DNAH11: variants seen among roughly 807,000 people sequenced by gnomAD.
DNAH11 encodes the protein axonemal beta dynein heavy chain 11.
Under a neutral mutation model 526.0 loss-of-function variants are expected in DNAH11, and 442 were observed. The observed-to-expected ratio is 0.84, with a 90% CI of 0.78 to 0.91. The LOEUF is 0.91. Ranked by LOEUF, DNAH11 falls within the 40% of genes least tolerant of loss-of-function variation. The pLI is 0.00. For missense variants in DNAH11, 6,989 were observed against 5,448.7 expected, an observed-to-expected ratio of 1.28 and a Z score of -8.90; for synonymous variants, 2,461 against 1,935.9, an observed-to-expected ratio of 1.27 and a Z score of -7.12.
rs147912535 is a variant in DNAH11, at chr7:21,570,271, A to C, written c.1397A>C (p.Lys466Thr). 860 of 1,609,284 alleles carry C rather than the reference A, an allele frequency of 5.3e-4. 10 individuals carry two copies. In the East Asian group the frequency reaches 0.016, roughly 29 times the overall value. ...CATCTGGTGTTTTGCAGATTTGACAAGTTTCTTGATCGTTTAATAAAAATA... is the reference window on the plus strand; with the variant it reads ...CATCTGGTGTTTTGCAGATTTGACACGTTTCTTGATCGTTTAATAAAAATA... Reference protein sequence around the residue: ...QSHLVFCRFDKFLDRLIKIED... With the variant: ...QSHLVFCRFDTFLDRLIKIED... Residue 466 changes from lysine to threonine, a missense_variant, in exon 7 of 82, where the codon AAG (lysine) becomes ACG (threonine). Physicochemically the swap from Lys to Thr is moderately conservative, Grantham distance 78. Coordinates refer to ENST00000409508, the MANE Select transcript of DNAH11 (RefSeq NM_001277115.2).
Position 21,570,287 on chromosome 7 carries a change from A to G in DNAH11, c.1413A>G (p.Leu471=). ...GATTTGACAAGTTTCTTGATCGTTT[A>G]ATAAAAATAGAGGTATTCATTTTTT... The part of the protein sequence containing the change: ...FCRFDKFLDR[L]IKIEDIFATT... The change falls in exon 7 of 82, where the codon TTA becomes TTG. Residue 471 remains leucine (L), a synonymous_variant. Transcript: ENST00000409508. 6.2e-7 allele frequency: 1 copy of G among 1,604,412 alleles called. No homozygotes were observed. The highest frequency in any genetic ancestry group is 8.5e-7 in the Non-Finnish European group (1 of 1,177,192).
At position 21,702,732 on chromosome 7, in the gene DNAH11, G is replaced by A. The variant is rs769794431; in HGVS notation, c.6203G>A (p.Arg2068His). The change falls in exon 37 of 82, where the codon CGT becomes CAT. Residue 2068 changes from arginine to histidine, a missense_variant. Transcript: ENST00000409508. The stretch of plus-strand genomic sequence containing the variant: ...TAGGATCATTACGACTGGGGACTTC[G>A]TGCTATTAAGTCTGTCTTGGTTGTG... ...SKQDHYDWGL[R>H]AIKSVLVVAG... 1.9e-5 allele frequency: 31 copies of A among 1,613,410 alleles called. No homozygotes were observed. The Admixed American group carries it at 2.2e-4, about 11-fold the overall frequency.
chr7:21,556,349 A>G (rs1363343584), intron 2 of DNAH11, among the ~76,000 whole-genome samples: 1 of 152,176 alleles, frequency 6.6e-6, no homozygotes, highest in Non-Finnish European at 1.5e-5. Context: ...GTTTTCTCAG[A>G]ATAGTAAATA....
chr7:21,793,440 A>AC (rs1788561606), intron 61 of DNAH11, among the ~76,000 whole-genome samples: 1 of 151,624 alleles, frequency 6.6e-6, no homozygotes, highest in Admixed American at 6.6e-5. Flanking sequence ...ACATGGTGAA[A>AC]CCCCGTCTGT....
rs768711937 is a variant in DNAH11, at chr7:21,880,690, C to CT, written c.12196-6dup. The CT allele has an allele frequency of 1.9e-5, 31 of 1,613,208 alleles. No individual in the cohort carries two copies. The highest frequency in any genetic ancestry group is 2.3e-5 in the Non-Finnish European group (27 of 1,179,754). ...AGATGGATAATCAAGCATTTCTTCT[C>CT]TTTTTTCCCAGGATACACTTGAAAT... On this transcript the variant is annotated splice_polypyrimidine_tract_variant and intron_variant, in intron 74 of 81. Transcript: ENST00000409508.
intron 2 of DNAH11, among the ~76,000 whole-genome samples, chr7:21,548,061 C>T (rs1042143249): frequency 1.3e-5 from 2 of 152,172 alleles, no homozygotes; most frequent in Non-Finnish European, 2.9e-5. Context: ...ACCTATCATA[C>T]CTTTTCATTT....
chr7:21,591,985 C>T (rs191478484), intron 14 of DNAH11, among the ~76,000 whole-genome samples: 1 of 152,282 alleles, frequency 6.6e-6, no homozygotes, highest in East Asian at 1.9e-4. Context: ...TAATTACTCT[C>T]CTTTTAACAA....
At chr7:21,836,763 A>G (rs1313895346) in intron 65 of DNAH11, among the ~76,000 whole-genome samples, 1 of 152,160 alleles carries the variant, frequency 6.6e-6, no homozygotes, top group Non-Finnish European at 1.5e-5. Flanking sequence ...CAGACTAAAA[A>G]GCTTCTGCAC....
At position 21,854,355 on chromosome 7, in the gene DNAH11, C is replaced by T; in HGVS notation, c.11102C>T (p.Ala3701Val). 6 of 1,613,650 alleles carry T rather than the reference C, an allele frequency of 3.7e-6. No homozygotes were observed. Among genetic ancestry groups the T allele is most frequent in the East Asian group, 2.2e-5 (1 of 44,840 alleles). The change falls in exon 68 of 82, where the codon GCC (alanine) becomes GTC (valine). Residue 3701 changes from alanine to valine, a missense_variant. Coordinates refer to ENST00000409508, the MANE Select transcript of DNAH11 (RefSeq NM_001277115.2). ...GAAAATGAAAGAAAAATCAACGAGG[C>T]CCGAGAATGTTACAGACCAGTGGCA... ...AKENERKINE[A>V]RECYRPVAAR...
intron 73 of DNAH11, among the ~76,000 whole-genome samples, chr7:21,870,827 T>C (rs1300661812): frequency 6.6e-6 from 1 of 152,172 alleles, no homozygotes; most frequent in African/African-American, 2.4e-5. Flanking sequence ...TAACCAAGAA[T>C]TTAACTGTTT....
intron 63 of DNAH11, among the ~76,000 whole-genome samples, chr7:21,812,164 G>A (rs377463286): frequency 6.6e-5 from 10 of 152,128 alleles, no homozygotes; most frequent in African/African-American, 2.2e-4. Context: ...AGGTTGTCAA[G>A]GATTGATAGC....
intron 49 of DNAH11, among the ~76,000 whole-genome samples, chr7:21,743,536 C>T (rs918748008): frequency 2.0e-5 from 3 of 152,088 alleles, no homozygotes; most frequent in African/African-American, 7.2e-5. Context: ...ACGAAAACTC[C>T]ATAGGACCTC....
At chr7:21,706,198 G>C (rs563869286) in intron 39 of DNAH11, among the ~76,000 whole-genome samples, 1 of 151,608 alleles carries the variant, frequency 6.6e-6, no homozygotes, top group South Asian at 2.1e-4. Context: ...ATATACTATG[G>C]GTATTATTAT....
rs1562492242 is a variant in DNAH11, at chr7:21,690,801, A to G, written c.5961A>G (p.Pro1987=). 6.2e-7 allele frequency: 1 copy of G among 1,610,862 alleles called. No homozygotes were observed. The highest frequency in any genetic ancestry group is 2.2e-5 in the East Asian group (1 of 44,782). The change falls in exon 35 of 82, where the codon CCA becomes CCG. Residue 1987 remains proline (P), a synonymous_variant. Coordinates refer to ENST00000409508, the MANE Select transcript of DNAH11 (RefSeq NM_001277115.2). The part of the protein sequence containing the change: ...VFLGEAITLK[P]SVGIFITMNP... ...TTGGGGAAGCTATCACACTGAAGCC[A>G]TCAGTTGGAATATTTATTACTATGA...
chr7:21,675,975 A>C (rs926837321), intron 30 of DNAH11, among the ~76,000 whole-genome samples: 3 of 152,218 alleles, frequency 2.0e-5, no homozygotes, highest in Non-Finnish European at 4.4e-5. Flanking sequence ...AGCCAGTCAT[A>C]CAAGGATTAG....
chr7:21,616,445 G>A, intron 22 of DNAH11, 153 bp downstream of exon 22: 1 of 547,936 alleles, frequency 1.8e-6, no homozygotes, highest in Non-Finnish European at 3.2e-6. Context: ...CCCTTAGCCA[G>A]TTGCACTTCT....
At position 21,597,561 on chromosome 7, in the gene DNAH11, T is replaced by C. The variant is rs938500409; in HGVS notation, c.2668-2226T>C. On this transcript the variant is annotated intron_variant, in intron 14 of 81. Coordinates refer to ENST00000409508, the MANE Select transcript of DNAH11 (RefSeq NM_001277115.2). ...AGGCAAAGGGGAAGCAAGGTCCGTCTTACATGGTGGCAGGAGAGAGAGCAA... is the reference window on the plus strand; with the variant it reads ...AGGCAAAGGGGAAGCAAGGTCCGTCCTACATGGTGGCAGGAGAGAGAGCAA... Among the ~76,000 whole-genome samples the C allele has an allele frequency of 2.8e-4, 43 of 152,264 alleles. 1 individual carries two copies. Among genetic ancestry groups the C allele is most frequent in the African/African-American group, 9.6e-4 (40 of 41,554 alleles).
At chr7:21,680,019 G>T (rs758843342) in intron 30 of DNAH11, among the ~76,000 whole-genome samples, 1 of 152,174 alleles carries the variant, frequency 6.6e-6, no homozygotes, top group African/African-American at 2.4e-5. Flanking sequence ...GATCAGCAAC[G>T]TGCTTAGTCA....
At chr7:21,851,842 A>G (rs547568313) in intron 66 of DNAH11, among the ~76,000 whole-genome samples, 10 of 152,082 alleles carry the variant, frequency 6.6e-5, no homozygotes, top group Non-Finnish European at 1.3e-4. Flanking sequence ...TATTTTGAGA[A>G]CGGAAATGAG....
Sources: gnomAD v4.1 joint callset for allele counts (sites outside exome capture counted in the v4.1 genomes callset) on GRCh38, gnomAD v4.1.1 for gene constraint, MANE v1.5 for transcripts, NCBI Gene and HGNC (gene_info 2026-07-23, HGNC 2026-07-21) for gene names.